The following OPRD1 variants were observed in gnomAD, a reference collection of about 807,000 sequenced individuals.
OPRD1 encodes opioid receptor delta 1.
In OPRD1, 19 loss-of-function variants were observed where a neutral mutation model predicts 17.5. The ratio of observed to expected loss-of-function variants is 1.09; its 90% CI spans 0.76 to 1.60. The LOEUF (loss-of-function observed/expected upper bound fraction) is 1.60, where lower values mean the gene tolerates loss of function less well. OPRD1 is among the 40% of genes most tolerant of loss of function. The pLI is 0.00. For missense variants in OPRD1, 483 were observed against 547.2 expected, an observed-to-expected ratio of 0.88 and a Z score of 1.17; for synonymous variants, 256 against 240.9, an observed-to-expected ratio of 1.06 and a Z score of -0.58.
chr1:28,859,404 G>A, intron 2 of OPRD1, 101 bp downstream of exon 2: 4 of 990,316 alleles, frequency 4.0e-6, no homozygotes, highest in Non-Finnish European at 4.4e-6. Context: ...AGTGTAGGTG[G>A]CTCATCAGCA....
At position 28,865,652 on chromosome 1, in the gene OPRD1, C is replaced by G. The variant is rs1029724679; in HGVS notation, c.*2369C>G. The G allele has an allele frequency of 3.3e-5, 5 of 152,210 alleles. No individual in the cohort carries two copies. Among genetic ancestry groups the G allele is most frequent in the Non-Finnish European group, 5.9e-5 (4 of 68,048 alleles). 9.4% of individuals were successfully genotyped at this position (152,210 alleles called of 1,614,324 possible). ...GGCCATGCCCAGCACTCACATCCAG[C>G]CTGCCAAGCCATTGTGACCTGGGGT... On this transcript the variant is annotated 3_prime_UTR_variant, in exon 3 of 3. Transcript: ENST00000234961.
Position 28,858,992 on chromosome 1 carries a change from T to G in OPRD1, c.266T>G (p.Phe89Cys). The change falls in exon 2 of 3, where the codon TTC becomes TGC. Residue 89 changes from phenylalanine (F) to cysteine (C), a missense_variant. Physicochemically the swap from Phe to Cys is radical, Grantham distance 205. Coordinates refer to ENST00000234961, the MANE Select transcript of OPRD1 (RefSeq NM_000911.4). ...AAGACGGCCACCAACATCTACATCT[T>G]CAACCTGGCCTTAGCCGATGCGCTG... is the stretch of plus-strand genomic sequence containing the variant. Reference protein sequence around the residue: ...KMKTATNIYIFNLALADALAT... With the variant: ...KMKTATNIYICNLALADALAT... 1 of 1,613,456 alleles carries G rather than the reference T, an allele frequency of 6.2e-7. No individual in the cohort carries two copies. Among genetic ancestry groups the G allele is most frequent in the Non-Finnish European group, 8.5e-7 (1 of 1,179,998 alleles).
At chr1:28,832,696 T>C (rs2124269595) in intron 1 of OPRD1, among the ~76,000 whole-genome samples, 1 of 152,208 alleles carries the variant, frequency 6.6e-6, no homozygotes, top group African/African-American at 2.4e-5. Context: ...GCTTTGCATC[T>C]CAGTTCTGTT....
chr1:28,813,243 C>G (rs191949526), intron 1 of OPRD1, among the ~76,000 whole-genome samples: 2 of 152,176 alleles, frequency 1.3e-5, no homozygotes, highest in Non-Finnish European at 2.9e-5. Context: ...CCGGAGTGGC[C>G]GTCGTCCCTG....
At chr1:28,851,179 A>G (rs1337079745) in intron 1 of OPRD1, among the ~76,000 whole-genome samples, 1 of 152,182 alleles carries the variant, frequency 6.6e-6, no homozygotes, top group East Asian at 1.9e-4. Context: ...AGGGATAAAG[A>G]GAGGAACCGA....
At chr1:28,861,727 G>T (rs1472976502) in intron 2 of OPRD1, among the ~76,000 whole-genome samples, 3 of 151,496 alleles carry the variant, frequency 2.0e-5, no homozygotes, top group African/African-American at 7.3e-5. Flanking sequence ...TTACAGGCAT[G>T]AGCCCCATGC....
chr1:28,825,218 G>A (rs996818248), intron 1 of OPRD1, among the ~76,000 whole-genome samples: 2 of 152,242 alleles, frequency 1.3e-5, no homozygotes, highest in South Asian at 2.1e-4. Flanking sequence ...TGAGGAAACC[G>A]AGACCTAGAA....
chr1:28,830,192 G>T (rs550645532), intron 1 of OPRD1, among the ~76,000 whole-genome samples: 3 of 152,118 alleles, frequency 2.0e-5, no homozygotes, highest in African/African-American at 7.2e-5. Flanking sequence ...CAGGCGTGTG[G>T]TTTGTGGCAC....
At chr1:28,820,846 C>T (rs530762451) in intron 1 of OPRD1, among the ~76,000 whole-genome samples, 2 of 151,918 alleles carry the variant, frequency 1.3e-5, no homozygotes, top group African/African-American at 2.4e-5. Flanking sequence ...GTGATCTGCC[C>T]GCCTCTGGCC....
At chr1:28,836,452 G>A (rs1293043300) in intron 1 of OPRD1, among the ~76,000 whole-genome samples, 1 of 151,232 alleles carries the variant, frequency 6.6e-6, no homozygotes, top group Non-Finnish European at 1.5e-5. Flanking sequence ...AGAGGTTGCA[G>A]TGAGCCGAGA....
intron 1 of OPRD1, among the ~76,000 whole-genome samples, chr1:28,846,887 T>TTTCTTTCTTTCTTTCC (rs2088956066): frequency 1.8e-5 from 1 of 55,990 alleles, no homozygotes; most frequent in Non-Finnish European, 4.9e-5. Context: ...TCTTTCTTTC[T>TTTCTTTCTTTCTTTCC]TTCTTTTCTC....
At chr1:28,826,668 C>G (rs1309602416) in intron 1 of OPRD1, among the ~76,000 whole-genome samples, 1 of 152,106 alleles carries the variant, frequency 6.6e-6, no homozygotes, top group African/African-American at 2.4e-5. Context: ...AAATCATAAT[C>G]TTTTTGCTGG....
chr1:28,863,209 C>A lies in OPRD1; in HGVS notation c.1045C>A (p.Arg349Ser). Residue 349 changes from arginine (R) to serine (S), a missense_variant, in exon 3 of 3, where the codon CGC (arginine) becomes AGC (serine). By Grantham distance (110) the Arg-to-Ser change is moderately radical (BLOSUM62 -1). Transcript: ENST00000234961. ...AGACCCCAGCAGCTTCAGCCGCGCC[C>A]GCGAAGCCACGGCCCGCGAGCGTGT... ...RPDPSSFSRA[R>S]EATARERVTA... 2 of 1,581,812 alleles carry A rather than the reference C, an allele frequency of 1.3e-6. No individual in the cohort carries two copies. Among genetic ancestry groups the A allele is most frequent in the Non-Finnish European group, 8.5e-7 (1 of 1,170,902 alleles).
rs138091208 is a variant in OPRD1, at chr1:28,862,887, C to T, written c.723C>T (p.Arg241=). The T allele has an allele frequency of 3.1e-6, 5 of 1,612,576 alleles. No individual in the cohort carries two copies. Among genetic ancestry groups the T allele is most frequent in the Non-Finnish European group, 4.2e-6 (5 of 1,180,020 alleles). The change falls in exon 3 of 3, where the codon CGC becomes CGT. Residue 241 remains arginine, a synonymous_variant. Transcript: ENST00000234961. ...ATGGCCTCATGCTGCTGCGCCTGCG[C>T]AGTGTGCGCCTGCTGTCGGGCTCCA... ...VCYGLMLLRL[R]SVRLLSGSKE... is the part of the protein sequence containing the mutation.
intron 1 of OPRD1, among the ~76,000 whole-genome samples, chr1:28,843,281 T>C (rs1200472932): frequency 6.6e-6 from 1 of 152,210 alleles, no homozygotes; most frequent in Non-Finnish European, 1.5e-5. Flanking sequence ...TGATAAAATA[T>C]ACACAACATA....
chr1:28,814,786 G>T (rs2088660503), intron 1 of OPRD1, among the ~76,000 whole-genome samples: 1 of 152,190 alleles, frequency 6.6e-6, no homozygotes, highest in Non-Finnish European at 1.5e-5. Context: ...GCAGCTTAGT[G>T]GGCCCCTAGG....
intron 2 of OPRD1, among the ~76,000 whole-genome samples, chr1:28,862,489 G>A (rs1310464410): frequency 1.3e-5 from 2 of 152,190 alleles, no homozygotes; most frequent in Non-Finnish European, 2.9e-5. Flanking sequence ...CACAAAGGCT[G>A]AAAAGGGGCC....
chr1:28,816,908 C>G (rs560701659), intron 1 of OPRD1, among the ~76,000 whole-genome samples: 8 of 152,234 alleles, frequency 5.3e-5, no homozygotes, highest in Non-Finnish European at 1.2e-4. Flanking sequence ...CTTCCTCCCG[C>G]CTGGCCCAGA....
chr1:28,840,984 G>C (rs1371191023), intron 1 of OPRD1, among the ~76,000 whole-genome samples: 1 of 152,198 alleles, frequency 6.6e-6, no homozygotes, highest in Non-Finnish European at 1.5e-5. Flanking sequence ...CTGGAATATA[G>C]TAAGTGTCCA....
Sources: allele counts gnomAD v4.1 joint callset (sites outside exome capture counted in the v4.1 genomes callset), GRCh38; gene constraint gnomAD v4.1.1; transcripts MANE v1.5; gene names NCBI Gene and HGNC (gene_info 2026-07-23, HGNC 2026-07-21).